Variants in PDE5A observed in about 807,000 individuals in gnomAD.
PDE5A encodes cGMP-specific 3',5'-cyclic phosphodiesterase.
Under a neutral mutation model 110.2 loss-of-function variants are expected in PDE5A, and 67 were observed. That is an observed-to-expected ratio of 0.61 (90% CI 0.50 to 0.75). The LOEUF is 0.75. Ranked by LOEUF, PDE5A falls within the 30% of genes least tolerant of loss-of-function variation. PDE5A has a pLI of 0.00. For synonymous variants in PDE5A, 328 were observed against 351.2 expected, an observed-to-expected ratio of 0.93 and a Z score of 0.74; for missense variants, 862 against 1,045.1, an observed-to-expected ratio of 0.82 and a Z score of 2.42.
At chr4:119,533,407 C>T (rs374147581) in intron 11 of PDE5A, among the ~76,000 whole-genome samples, 7 of 152,230 alleles carry the variant, frequency 4.6e-5, no homozygotes, top group East Asian at 1.9e-4. Flanking sequence ...CTCCACTTTC[C>T]GCATGCCCAA....
chr4:119,518,975 C>T, intron 14 of PDE5A, 70 bp downstream of exon 14: 1 of 1,090,192 alleles, frequency 9.2e-7, no homozygotes, highest in Admixed American at 1.8e-5. Flanking sequence ...TTTGCTGTGG[C>T]TTTAACTTAA....
chr4:119,596,471 CAAAAA>C, intron 3 of PDE5A, 47 bp downstream of exon 3: 2 of 1,040,662 alleles, frequency 1.9e-6, no homozygotes, highest in Non-Finnish European at 2.8e-6. Flanking sequence ...AAATATTTTT[CAAAAA>C]GAAAAATATT....
chr4:119,605,811 G>A (rs928729280), intron 2 of PDE5A, among the ~76,000 whole-genome samples: 2 of 152,028 alleles, frequency 1.3e-5, no homozygotes, highest in African/African-American at 4.8e-5. Context: ...TAAGCCCTAT[G>A]TGCCAGGCAC....
At position 119,542,492 on chromosome 4, in the gene PDE5A, C is replaced by G. The variant is rs909999174; in HGVS notation, c.1539G>C (p.Glu513Asp). Residue 513 changes from glutamate (E) to aspartate (D), a missense_variant, in exon 10 of 21, where the codon GAG becomes GAC. Coordinates refer to ENST00000354960, the MANE Select transcript of PDE5A (RefSeq NM_001083.4). ...IQNTQMYEAV[E>D]RAMAKQMVTL... Reference sequence around the variant, plus strand: ...TGACCATTTGCTTGGCCATGGCTCTCTCCACTGCTTCATACATCTGCGTGT... The same window carrying G: ...TGACCATTTGCTTGGCCATGGCTCTGTCCACTGCTTCATACATCTGCGTGT... The G allele has an allele frequency of 6.2e-7, 1 of 1,613,926 alleles. No individual in the cohort carries two copies. Among genetic ancestry groups the G allele is most frequent in the South Asian group, 1.1e-5 (1 of 91,064 alleles).
chr4:119,512,603 C>G (rs1725784350), intron 14 of PDE5A: 1 of 151,958 alleles, frequency 6.6e-6, no homozygotes, highest in Non-Finnish European at 1.5e-5. Flanking sequence ...AAGAGTAGAT[C>G]AGATAGGAAC....
chr4:119,560,227 G>T, intron 7 of PDE5A, 69 bp downstream of exon 7: 2 of 840,706 alleles, frequency 2.4e-6, no homozygotes, highest in Non-Finnish European at 3.8e-6. Context: ...AATCAAACTG[G>T]TCATGAAATA....
At chr4:119,549,563 G>C (rs1727265683) in intron 9 of PDE5A, 2 of 152,072 alleles carry the variant, frequency 1.3e-5, no homozygotes, top group Non-Finnish European at 2.9e-5. Flanking sequence ...GATGTTCTAA[G>C]TATCTTTTTT....
At position 119,498,627 on chromosome 4, in the gene PDE5A, C is replaced by T. The variant is rs1175770478; in HGVS notation, c.2602G>A (p.Glu868Lys). ...EQQEKMLINGESGQAKRN is the reference protein window; with the variant it reads ...EQQEKMLINGKSGQAKRN Reference sequence around the variant, plus strand: ...CAGTTCCGCTTGGCCTGGCCGCTTTCCCCATTAATCAGCATCTTCTCCTGC... The same window carrying T: ...CAGTTCCGCTTGGCCTGGCCGCTTTTCCCATTAATCAGCATCTTCTCCTGC... The change falls in exon 21 of 21, where the codon GAA becomes AAA. Residue 868 changes from glutamate (E) to lysine (K), a missense_variant. Glu to Lys is a moderately conservative substitution (Grantham distance 56). Transcript: ENST00000354960. 5.6e-6 allele frequency: 9 copies of T among 1,613,902 alleles called. No homozygotes were observed. Among genetic ancestry groups the T allele is most frequent in the Non-Finnish European group, 7.6e-6 (9 of 1,179,940 alleles).
At chr4:119,626,009 C>G (rs1055485632) in intron 1 of PDE5A, among the ~76,000 whole-genome samples, 1 of 152,180 alleles carries the variant, frequency 6.6e-6, no homozygotes, top group African/African-American at 2.4e-5. Context: ...AGGACCTGCA[C>G]TATTAAATAT....
chr4:119,607,776 T>C (rs1263039167), intron 1 of PDE5A, among the ~76,000 whole-genome samples: 1 of 151,918 alleles, frequency 6.6e-6, no homozygotes, highest in African/African-American at 2.4e-5. Flanking sequence ...TGGAAAACAA[T>C]AGAGGACAAT....
chr4:119,499,073 G>T (rs1725196374), intron 20 of PDE5A, among the ~76,000 whole-genome samples: 1 of 152,212 alleles, frequency 6.6e-6, no homozygotes, highest in Admixed American at 6.5e-5. Flanking sequence ...AAGTGTGACT[G>T]CATCAGGGAA....
intron 2 of PDE5A, among the ~76,000 whole-genome samples, chr4:119,605,547 T>C (rs758052855): frequency 2.6e-5 from 4 of 151,980 alleles, no homozygotes; most frequent in Non-Finnish European, 5.9e-5. Context: ...CTCGGGAGGC[T>C]GAGGCAGGAG....
chr4:119,616,741 TA>T (rs11324618), intron 1 of PDE5A, among the ~76,000 whole-genome samples: 139,279 of 149,664 alleles, frequency 0.93, 64,791 homozygotes, highest in Admixed American at 0.95. Flanking sequence ...TCGTGAATGA[TA>T]AAAAAAAAAA....
At chr4:119,537,298 A>G (rs1726759326) in intron 11 of PDE5A, among the ~76,000 whole-genome samples, 1 of 152,120 alleles carries the variant, frequency 6.6e-6, no homozygotes, top group African/African-American at 2.4e-5. Context: ...TGAATAGTCT[A>G]TATTCATTTC....
At chr4:119,507,856 C>A in intron 15 of PDE5A, 152 bp from the exon 16 acceptor site, 1 of 598,602 alleles carries the variant, frequency 1.7e-6, no homozygotes, top group Non-Finnish European at 2.9e-6. Flanking sequence ...AGTTTCCCCT[C>A]TATGTTCCCA....
At chr4:119,566,698 A>C (rs1727946955) in intron 4 of PDE5A, among the ~76,000 whole-genome samples, 1 of 152,206 alleles carries the variant, frequency 6.6e-6, no homozygotes, top group East Asian at 1.9e-4. Context: ...TTAGTCAACC[A>C]AAAGTGCTGA....
intron 14 of PDE5A, among the ~76,000 whole-genome samples, chr4:119,516,600 G>T (rs1258702513): frequency 1.3e-5 from 2 of 151,864 alleles, no homozygotes; most frequent in African/African-American, 4.8e-5. Context: ...TTTAAAATAA[G>T]AATTCAGTAT....
At chr4:119,519,249 A>G (rs1445297476) in intron 13 of PDE5A, 110 bp from the exon 14 acceptor site, 19 of 731,840 alleles carry the variant, frequency 2.6e-5, no homozygotes, top group Non-Finnish European at 3.9e-5. Context: ...CTTTACATAC[A>G]TACTTCTCTA....
rs1283648577 is a variant in PDE5A, at chr4:119,501,068, T to C, written c.2490+102A>G. On this transcript the variant is annotated intron_variant, in intron 20 of 20. Coordinates refer to ENST00000354960, the MANE Select transcript of PDE5A (RefSeq NM_001083.4). ...TACTGCTAATAATTTTATTTCTTGA[T>C]TTAGAAGCAAAATATAGGCGCCTAA... 4 of 690,190 alleles carry C rather than the reference T, an allele frequency of 5.8e-6. No homozygotes were observed. In the East Asian group the frequency reaches 1.0e-4, roughly 18 times the overall value. 42.8% of individuals were successfully genotyped at this position (690,190 alleles called of 1,614,324 possible). A position where few individuals can be genotyped will look rare whatever the true frequency, so the allele number is the denominator to read the frequency against.
Sources: gnomAD v4.1 joint callset for allele counts (sites outside exome capture counted in the v4.1 genomes callset) on GRCh38, gnomAD v4.1.1 for gene constraint, MANE v1.5 for transcripts, NCBI Gene and HGNC (gene_info 2026-07-23, HGNC 2026-07-21) for gene names.